MOSPD1: variants seen among roughly 807,000 people sequenced by gnomAD.
MOSPD1 encodes motile sperm domain-containing protein 1.
A neutral mutation model predicts 16.7 loss-of-function variants in MOSPD1; 5 were observed. That is an observed-to-expected ratio of 0.30 (90% CI 0.16 to 0.63). The LOEUF (loss-of-function observed/expected upper bound fraction) is 0.63. Ranked by LOEUF, MOSPD1 falls within the 30% of genes least tolerant of loss-of-function variation. The probability of loss-of-function intolerance (pLI) is 0.82; values close to 1 mark genes in which losing one functional copy is unlikely to be tolerated. For synonymous variants in MOSPD1, 67 were observed against 59.2 expected, an observed-to-expected ratio of 1.13 and a Z score of -0.61; for missense variants, 104 against 153.6, an observed-to-expected ratio of 0.68 and a Z score of 1.71.
chrX:134,906,692 G>A (rs2082945124), intron 1 of MOSPD1, among the ~76,000 whole-genome samples: 1 of 111,585 alleles, frequency 9.0e-6, no homozygotes, highest in South Asian at 3.7e-4. Flanking sequence ...AAAAATCCTG[G>A]GGAAAGATTA....
In MOSPD1 at chrX:134,910,634, TGCCTTAA is replaced by T. The variant is rs762444782; in HGVS notation, c.-102+4541_-102+4547del. On this transcript the variant is annotated intron_variant, in intron 1 of 5. Transcript: ENST00000370783. The stretch of plus-strand genomic sequence containing the variant: ...TGGGAGCATAAAGAAAGTGATCATC[TGCCTTAA>T]GGCTAGTCTGCAGTAGAAGTGGAGG... Among the ~76,000 whole-genome samples the T allele has an allele frequency of 8.0e-5, 9 of 112,254 alleles. 1 individual carries two copies. In the East Asian group the frequency reaches 2.5e-3, roughly 31 times the overall value.
chrX:134,895,450 T>C (rs1472300729), intron 4 of MOSPD1, among the ~76,000 whole-genome samples: 1 of 112,281 alleles, frequency 8.9e-6, no homozygotes, highest in Admixed American at 9.5e-5. Context: ...TATATTTACA[T>C]ACACATATAC....
rs183762653 is a variant in MOSPD1 at position 134,895,034 on chromosome X, A to G, written c.448+1783T>C. Among the ~76,000 whole-genome samples, 354 of 103,046 alleles carry G rather than the reference A, an allele frequency of 3.4e-3. 1 individual carries two copies. Among genetic ancestry groups the G allele is most frequent in the African/African-American group, 0.012 (347 of 29,184 alleles). 89.5% of individuals were successfully genotyped at this position (103,046 alleles called of 115,157 possible). On this transcript the variant is annotated intron_variant, in intron 4 of 5. Transcript: ENST00000370783. ...ATTTTACTATTAGAAAAATTCTTTA[A>G]TATACTTTAGATACCAAGGTTTGTT...
rs1330322759 is a variant in MOSPD1 at position 134,915,228 on chromosome X, G to C, written c.-148C>G. On this transcript the variant is annotated 5_prime_UTR_variant, in exon 1 of 6. Coordinates refer to ENST00000370783, the MANE Select transcript of MOSPD1 (RefSeq NM_019556.3). Reference sequence around the variant, plus strand: ...GGAAAGCAGCTGCGACTGCTCCTCCGCTCCTTTGTCAGCGTCTCTAGGCTG... The same window carrying C: ...GGAAAGCAGCTGCGACTGCTCCTCCCCTCCTTTGTCAGCGTCTCTAGGCTG... 1.8e-5 allele frequency: 2 copies of C among 111,891 alleles called. No homozygotes were observed. Among genetic ancestry groups the C allele is most frequent in the African/African-American group, 6.5e-5 (2 of 30,840 alleles). 9.2% of individuals were successfully genotyped at this position (111,891 alleles called of 1,213,427 possible). A position where few individuals can be genotyped will look rare whatever the true frequency, so the allele number is the denominator to read the frequency against.
chrX:134,897,704 C>T (rs1056581727), intron 3 of MOSPD1, among the ~76,000 whole-genome samples: 1 of 101,297 alleles, frequency 9.9e-6, no homozygotes, highest in Non-Finnish European at 2.0e-5. Flanking sequence ...TTGCTACTTA[C>T]TTATTGTTTA....
At position 134,889,020 on chromosome X, in the gene MOSPD1, A is replaced by G. The variant is rs773756223; in HGVS notation, c.*141T>C. The G allele has an allele frequency of 1.6e-5, 5 of 311,234 alleles. No homozygotes were observed. In the South Asian group the frequency reaches 7.2e-4, roughly 45 times the overall value. The allele number at this position is 311,234 out of a possible 1,213,427, so 25.6% of individuals were successfully genotyped here. A position where few individuals can be genotyped will look rare whatever the true frequency, so the allele number is the denominator to read the frequency against. On this transcript the variant is annotated 3_prime_UTR_variant, in exon 6 of 6. Transcript: ENST00000370783. ...AGTCCTTCAAATTAAATTATAATTT[A>G]AAATATATATTATACATTTGCAATT...
intron 1 of MOSPD1, among the ~76,000 whole-genome samples, chrX:134,912,173 C>T (rs997739522): frequency 1.8e-5 from 2 of 111,906 alleles, no homozygotes; most frequent in Non-Finnish European, 3.8e-5. Context: ...CCTCCACCTC[C>T]TGAGTAGCTG....
intron 1 of MOSPD1, among the ~76,000 whole-genome samples, chrX:134,903,874 C>T (rs1317814447): frequency 1.8e-5 from 2 of 108,661 alleles, no homozygotes; most frequent in Non-Finnish European, 3.8e-5. Flanking sequence ...CCCGTCTCTA[C>T]TAAAAATACA....
intron 1 of MOSPD1, among the ~76,000 whole-genome samples, chrX:134,905,296 G>A (rs1331588329): frequency 9.4e-6 from 1 of 106,946 alleles, no homozygotes; most frequent in Non-Finnish European, 1.9e-5. Context: ...GTGAACCCGG[G>A]AGGCAGAGCT....
chrX:134,913,267 C>T (rs1271912288), intron 1 of MOSPD1, among the ~76,000 whole-genome samples: 2 of 109,719 alleles, frequency 1.8e-5, no homozygotes, highest in African/African-American at 3.3e-5. Flanking sequence ...CCCAGCTACT[C>T]GGGAGGCTGA....
chrX:134,897,094 G>A, intron 3 of MOSPD1, 60 bp from the exon 4 acceptor site: 2 of 783,623 alleles, frequency 2.6e-6, no homozygotes, highest in Non-Finnish European at 3.8e-6. Context: ...CAAACAGAAG[G>A]CAGTGAGATA....
At chrX:134,896,732 T>C in intron 4 of MOSPD1, 85 bp downstream of exon 4, 1 of 702,739 alleles carries the variant, frequency 1.4e-6, no homozygotes, top group Non-Finnish European at 2.2e-6. Flanking sequence ...ATGATTTTTC[T>C]AGTAATTATT....
At chrX:134,907,630 C>T (rs991979712) in intron 1 of MOSPD1, among the ~76,000 whole-genome samples, 2 of 112,262 alleles carry the variant, frequency 1.8e-5, no homozygotes, top group African/African-American at 6.5e-5. Context: ...TTTGAGAGGC[C>T]GATGCGGGCG....
Position 134,888,534 on chromosome X carries a change from CTA to C in MOSPD1, c.*625_*626del, listed in dbSNP as rs2082845170. 9.0e-6 allele frequency: 1 copy of C among 111,268 alleles called. No individual in the cohort carries two copies. Among genetic ancestry groups the C allele is most frequent in the Non-Finnish European group, 1.9e-5 (1 of 52,954 alleles). The allele number at this position is 111,268 out of a possible 1,213,427, so 9.2% of individuals were successfully genotyped here. A position where few individuals can be genotyped will look rare whatever the true frequency, so the allele number is the denominator to read the frequency against. The stretch of plus-strand genomic sequence containing the variant: ...TATTAGGTTTTTTAAAAAAAAACCC[CTA>C]TGATTCTTGGTGTCTGGACCACAAC... On this transcript the variant is annotated 3_prime_UTR_variant, in exon 6 of 6. Coordinates refer to ENST00000370783, the MANE Select transcript of MOSPD1 (RefSeq NM_019556.3).
chrX:134,906,327 C>T (rs1036205811), intron 1 of MOSPD1, among the ~76,000 whole-genome samples: 2 of 107,044 alleles, frequency 1.9e-5, no homozygotes, highest in African/African-American at 6.8e-5. Context: ...TAGAGGTGCA[C>T]GCCACCACGC....
At position 134,913,121 on chromosome X, in the gene MOSPD1, CAT is replaced by C. The variant is rs762044177; in HGVS notation, c.-102+2059_-102+2060del. On this transcript the variant is annotated intron_variant, in intron 1 of 5. Coordinates refer to ENST00000370783, the MANE Select transcript of MOSPD1 (RefSeq NM_019556.3). ...GGGCGTGGTGGCTCACGCCTGTAAT[CAT>C]AGCACTTTGGGAGACCGAGGGGGGG... Among the ~76,000 whole-genome samples the C allele has an allele frequency of 1.5e-3, 167 of 110,177 alleles. 1 individual carries two copies. The highest frequency in any genetic ancestry group is 5.2e-3 in the African/African-American group (157 of 30,037).
At chrX:134,910,386 C>A (rs1160197872) in intron 1 of MOSPD1, among the ~76,000 whole-genome samples, 2 of 109,027 alleles carry the variant, frequency 1.8e-5, no homozygotes, top group African/African-American at 3.3e-5. Context: ...GCCTGGGCAA[C>A]AGAGCGAGAC....
chrX:134,896,147 TAGG>T (rs772887256), intron 4 of MOSPD1, among the ~76,000 whole-genome samples: 1 of 111,387 alleles, frequency 9.0e-6, no homozygotes, highest in African/African-American at 3.3e-5. Flanking sequence ...ACAACAGGTT[TAGG>T]AGGAGATAAT....
At chrX:134,909,741 T>C (rs2082961301) in intron 1 of MOSPD1, among the ~76,000 whole-genome samples, 1 of 112,038 alleles carries the variant, frequency 8.9e-6, no homozygotes, top group African/African-American at 3.2e-5. Flanking sequence ...TCTACTTTAA[T>C]GTTCATTGCT....
Sources: allele counts gnomAD v4.1 joint callset (sites outside exome capture counted in the v4.1 genomes callset), GRCh38; gene constraint gnomAD v4.1.1; transcripts MANE v1.5; gene names NCBI Gene and HGNC (gene_info 2026-07-23, HGNC 2026-07-21).